RBM33: variants seen among roughly 807,000 people sequenced by gnomAD.
The protein encoded by RBM33 is RNA binding motif protein 33.
In RBM33, 28 loss-of-function variants were observed where a neutral mutation model predicts 132.6. The ratio of observed to expected loss-of-function variants is 0.21; its 90% CI spans 0.16 to 0.29. RBM33 has a LOEUF of 0.29. Among genes scored for constraint, RBM33 ranks in the 10% least tolerant of loss-of-function variants. The pLI is 1.00. For missense variants in RBM33, 1,291 were observed against 1,518.5 expected, an observed-to-expected ratio of 0.85 and a Z score of 2.49; for synonymous variants, 634 against 593.0, an observed-to-expected ratio of 1.07 and a Z score of -1.01.
intron 14 of RBM33, among the ~76,000 whole-genome samples, chr7:155,751,340 G>C (rs1271523596): frequency 6.6e-6 from 1 of 152,160 alleles, no homozygotes; most frequent in Admixed American, 6.5e-5. Flanking sequence ...TCAGCACACA[G>C]ATACTCTCTT....
In RBM33 at chr7:155,673,768, G is replaced by GCACGCACACACACACA. The variant is rs1554469953; in HGVS notation, c.171+856_171+857insGCACACACACACACAC. Among the ~76,000 whole-genome samples the GCACGCACACACACACA allele has an allele frequency of 5.3e-5, 7 of 132,980 alleles. 1 individual carries two copies. The highest frequency in any genetic ancestry group is 4.3e-4 in the East Asian group (2 of 4,640). The allele number at this position is 132,980 out of a possible 152,430, so 87.2% of individuals were successfully genotyped here. ...CACGTGTATATACGCGCGCATGCGC[G>GCACGCACACACACACA]CACACACACACACACACACACACAC... is the stretch of plus-strand genomic sequence containing the variant. On this transcript the variant is annotated intron_variant, in intron 3 of 17. Transcript: ENST00000401878.
At chr7:155,713,793 C>G (rs1800378004) in intron 8 of RBM33, among the ~76,000 whole-genome samples, 1 of 152,130 alleles carries the variant, frequency 6.6e-6, no homozygotes, top group South Asian at 2.1e-4. Flanking sequence ...ATTGCACTTA[C>G]AGAAAAGAGC....
intron 5 of RBM33, among the ~76,000 whole-genome samples, chr7:155,683,634 C>G: frequency 6.6e-6 from 1 of 152,268 alleles, no homozygotes; most frequent in South Asian, 2.1e-4. Context: ...GCTCTGCTGT[C>G]CTTTCCTGTG....
At chr7:155,711,709 T>G (rs575034853) in intron 8 of RBM33, among the ~76,000 whole-genome samples, 1 of 152,120 alleles carries the variant, frequency 6.6e-6, no homozygotes, top group Non-Finnish European at 1.5e-5. Context: ...TGCAATGATG[T>G]GAGTGTTCTG....
intron 9 of RBM33, among the ~76,000 whole-genome samples, chr7:155,729,514 A>C (rs1800891505): frequency 2.0e-5 from 3 of 152,158 alleles, no homozygotes; most frequent in Non-Finnish European, 4.4e-5. Flanking sequence ...AGGTGGGAGG[A>C]TCCCTTGAGG....
At chr7:155,734,115 T>C (rs1790866468) in intron 9 of RBM33, among the ~76,000 whole-genome samples, 1 of 152,248 alleles carries the variant, frequency 6.6e-6, no homozygotes, top group African/African-American at 2.4e-5. Context: ...GTCTTTCAAC[T>C]GGTCTGTAAT....
intron 7 of RBM33, chr7:155,707,409 A>T (rs1320634718): frequency 2.3e-6 from 1 of 439,992 alleles, no homozygotes; most frequent in East Asian, 6.7e-5. Context: ...CATTTGAGAG[A>T]TGTTATTACA....
intron 9 of RBM33, among the ~76,000 whole-genome samples, chr7:155,726,389 GTTC>G (rs1163952296): frequency 1.3e-5 from 2 of 151,482 alleles, no homozygotes; most frequent in South Asian, 2.1e-4. Context: ...TGAGTTATCA[GTTC>G]TTCTTGAATA....
intron 8 of RBM33, among the ~76,000 whole-genome samples, chr7:155,711,658 G>C (rs1459290071): frequency 2.0e-5 from 3 of 152,206 alleles, no homozygotes; most frequent in Non-Finnish European, 4.4e-5. Context: ...AAGCTGGGCA[G>C]GGGGAGCTGC....
intron 9 of RBM33, among the ~76,000 whole-genome samples, chr7:155,726,120 C>G (rs1341174810): frequency 6.6e-6 from 1 of 152,070 alleles, no homozygotes; most frequent in Non-Finnish European, 1.5e-5. Context: ...TTTCTTATAT[C>G]GTTCTTTGTA....
At chr7:155,664,915 A>AG (rs1554467866) in intron 1 of RBM33, among the ~76,000 whole-genome samples, 2 of 74,742 alleles carry the variant, frequency 2.7e-5, no homozygotes, top group Admixed American at 1.1e-4. Flanking sequence ...ATAACATTTG[A>AG]GGTTTTTTTT....
intron 14 of RBM33, among the ~76,000 whole-genome samples, chr7:155,761,473 TCTTTA>T (rs1455018060): frequency 2.6e-5 from 4 of 152,252 alleles, no homozygotes; most frequent in Non-Finnish European, 5.9e-5. Flanking sequence ...TAATTCATTG[TCTTTA>T]CTTCTTAGAG....
At chr7:155,716,333 A>G (rs866275205) in intron 8 of RBM33, among the ~76,000 whole-genome samples, 1 of 32,234 alleles carries the variant, frequency 3.1e-5, no homozygotes, top group Non-Finnish European at 6.1e-5. Flanking sequence ...TTTTTTTTTT[A>G]AATAGGGAAA....
In RBM33 at chr7:155,778,447, C is replaced by G. The variant is rs1173854526; in HGVS notation, c.*3406C>G. 6.6e-6 allele frequency: 1 copy of G among 152,260 alleles called. No homozygotes were observed. Among genetic ancestry groups the G allele is most frequent in the Non-Finnish European group, 1.5e-5 (1 of 68,090 alleles). The allele number at this position is 152,260 out of a possible 1,614,324, so 9.4% of individuals were successfully genotyped here. ...TGGACAGACCCAGGTGAGGAGAGGCCTGGGGATTGGGGAAGCTGTCATCTC... is the reference window on the plus strand; with the variant it reads ...TGGACAGACCCAGGTGAGGAGAGGCGTGGGGATTGGGGAAGCTGTCATCTC... On this transcript the variant is annotated 3_prime_UTR_variant, in exon 18 of 18. Transcript: ENST00000401878. The surrounding 1 kb of genome is among the most constrained non-coding windows in gnomAD (Gnocchi z 4.0).
At position 155,741,941 on chromosome 7, in the gene RBM33, C is replaced by T. The variant is rs1208760585; in HGVS notation, c.2172C>T (p.Ser724=). 6 of 1,614,042 alleles carry T rather than the reference C, an allele frequency of 3.7e-6. No homozygotes were observed. The South Asian group carries it at 6.6e-5, about 18-fold the overall frequency. ...APSHVIEMSS[S]RCSATPSAQV... ...CACACGTGATAGAAATGAGCAGCAG[C>T]CGCTGCTCTGCCACGCCCTCAGCAC... is the stretch of plus-strand genomic sequence containing the variant. The change falls in exon 13 of 18, where the codon AGC becomes AGT. Residue 724 remains serine (S), a synonymous_variant. Transcript: ENST00000401878.
At position 155,776,610 on chromosome 7, in the gene RBM33, C is replaced by T. The variant is rs1217809994; in HGVS notation, c.*1569C>T. ...GTTTGCTGTGTGCTTGAGAGTAACA[C>T]TGCACGCTGCAGGGGCTGTTGCAGC... is the stretch of plus-strand genomic sequence containing the variant. On this transcript the variant is annotated 3_prime_UTR_variant, in exon 18 of 18. Transcript: ENST00000401878. This position sits in a 1 kb window ranked among gnomAD's most constrained non-coding sequence, Gnocchi z 4.0. 3 of 152,238 alleles carry T rather than the reference C, an allele frequency of 2.0e-5. No individual in the cohort carries two copies. The highest frequency in any genetic ancestry group is 4.4e-5 in the Non-Finnish European group (3 of 68,052). The allele number at this position is 152,238 out of a possible 1,614,324, so 9.4% of individuals were successfully genotyped here.
intron 1 of RBM33, among the ~76,000 whole-genome samples, chr7:155,657,647 A>G (rs1227815017): frequency 1.3e-5 from 2 of 152,220 alleles, no homozygotes; most frequent in Admixed American, 6.5e-5. Flanking sequence ...AGCTAGGGCA[A>G]CAGGCTCCAG....
chr7:155,768,042 G>T (rs1401835895), intron 16 of RBM33, among the ~76,000 whole-genome samples: 3 of 152,192 alleles, frequency 2.0e-5, no homozygotes, highest in South Asian at 2.1e-4. Flanking sequence ...CACGTGTGTG[G>T]CCCAGTGTCC....
intron 5 of RBM33, among the ~76,000 whole-genome samples, chr7:155,691,037 C>G (rs1032361842): frequency 1.3e-5 from 2 of 152,194 alleles, no homozygotes; most frequent in Non-Finnish European, 2.9e-5. Flanking sequence ...TGGGGAAGCT[C>G]TCCTGGATAA....
Sources: allele counts gnomAD v4.1 joint callset (sites outside exome capture counted in the v4.1 genomes callset), GRCh38; gene constraint gnomAD v4.1.1; non-coding constraint Gnocchi (gnomAD v3.1); transcripts MANE v1.5; gene names NCBI Gene and HGNC (gene_info 2026-07-23, HGNC 2026-07-21).